DPP8: variants seen among roughly 807,000 people sequenced by gnomAD.
The protein encoded by DPP8 is dipeptidyl peptidase 8.
A neutral mutation model predicts 107.5 loss-of-function variants in DPP8; 31 were observed. The ratio of observed to expected loss-of-function variants is 0.29; its 90% CI spans 0.22 to 0.39. The LOEUF (loss-of-function observed/expected upper bound fraction) is 0.39. DPP8 is among the 10% of genes least tolerant of loss of function. The pLI is 1.00. For missense variants in DPP8, 842 were observed against 1,076.1 expected (o/e 0.78, Z 3.04); for synonymous variants, 381 against 356.6 (o/e 1.07, Z -0.77).
intron 1 of DPP8, chr15:65,516,877 G>GT (rs2071505358): frequency 6.6e-6 from 1 of 152,404 alleles, no homozygotes; most frequent in African/African-American, 2.4e-5. Flanking sequence ...GCATAGCAGA[G>GT]AATATTGAGA....
At position 65,458,210 on chromosome 15, in the gene DPP8, T is replaced by C. The variant is rs185672458; in HGVS notation, c.1972-1839A>G. Among the ~76,000 whole-genome samples, 23 of 152,302 alleles carry C rather than the reference T, an allele frequency of 1.5e-4. No individual in the cohort carries two copies. The East Asian group carries it at 2.5e-3, about 17-fold the overall frequency. The stretch of plus-strand genomic sequence containing the variant: ...CTAGCCTGATCTCTTTGGATTTTTA[T>C]TTGCAGAACAGTGTCTGGCACATTC... On this transcript the variant is annotated intron_variant, in intron 15 of 19. Coordinates refer to ENST00000300141, the MANE Select transcript of DPP8 (RefSeq NM_130434.5).
intron 2 of DPP8, among the ~76,000 whole-genome samples, chr15:65,511,716 TACACACACCACAC>T (rs2070803545): frequency 1.2e-5 from 1 of 86,458 alleles, no homozygotes; most frequent in Non-Finnish European, 2.2e-5. Context: ...CACACATACA[TACACACACCACAC>T]ACACACACAA....
At chr15:65,497,154 TG>T (rs2068689598) in intron 5 of DPP8, among the ~76,000 whole-genome samples, 1 of 152,358 alleles carries the variant, frequency 6.6e-6, no homozygotes, top group Admixed American at 6.5e-5. Context: ...CCTCCCAAAG[TG>T]CTTGGGACTA....
chr15:65,480,281 C>T lies in DPP8; in HGVS notation c.1237G>A (p.Val413Met), dbSNP rs772737249. 6.2e-7 allele frequency: 1 copy of T among 1,613,852 alleles called. No homozygotes were observed. Among genetic ancestry groups the T allele is most frequent in the Non-Finnish European group, 8.5e-7 (1 of 1,179,886 alleles). ...VMERQRLIES[V>M]PDSVTPLIIY... ...ATTAGTGGCGTCACAGAATCAGGCA[C>T]TGACTCAATGAGTCTCTGCCTTTCC... is the stretch of plus-strand genomic sequence containing the variant. Residue 413 changes from valine to methionine, a missense_variant, in exon 10 of 20, where the codon GTG becomes ATG. Val to Met is a conservative substitution (Grantham distance 21). Around this residue, in one of 2 missense-constraint regions of DPP8, gnomAD observed 663 missense variants for 758.0 expected, o/e 0.87. Transcript: ENST00000300141.
chr15:65,476,229 C>T (rs576368974), intron 11 of DPP8, among the ~76,000 whole-genome samples: 4 of 151,554 alleles, frequency 2.6e-5, no homozygotes, highest in Non-Finnish European at 5.9e-5. Context: ...TAGGGTTCCA[C>T]GTAAGTTTAA....
At chr15:65,496,779 T>A (rs903063811) in intron 5 of DPP8, among the ~76,000 whole-genome samples, 1 of 151,872 alleles carries the variant, frequency 6.6e-6, no homozygotes, top group African/African-American at 2.4e-5. Context: ...GTCTCCTAAG[T>A]AGCTGGGACT....
chr15:65,481,714 T>C (rs1413278894), intron 8 of DPP8, 99 bp from the exon 9 acceptor site: 2 of 702,318 alleles, frequency 2.8e-6, no homozygotes, highest in Non-Finnish European at 4.5e-6. Context: ...AGCAGAAAAT[T>C]TTTCCAGAGT....
At chr15:65,487,428 C>T (rs947085038) in intron 7 of DPP8, among the ~76,000 whole-genome samples, 5 of 152,178 alleles carry the variant, frequency 3.3e-5, no homozygotes, top group African/African-American at 1.2e-4. Flanking sequence ...AGATTACAGA[C>T]GTGAGCTACC....
chr15:65,508,418 T>C (rs1252120863), intron 2 of DPP8, among the ~76,000 whole-genome samples: 3 of 152,184 alleles, frequency 2.0e-5, no homozygotes, highest in East Asian at 1.9e-4. Flanking sequence ...AAATCTCTTC[T>C]GCAAAATCAT....
intron 15 of DPP8, 58 bp from the exon 16 acceptor site, chr15:65,456,429 G>T: frequency 1.3e-6 from 2 of 1,514,454 alleles, no homozygotes; most frequent in Non-Finnish European, 1.8e-6. Context: ...ACCCAAGAGC[G>T]GCTGGGCATT....
chr15:65,451,770 C>T (rs2063994181), intron 18 of DPP8, among the ~76,000 whole-genome samples, 190 bp downstream of exon 18: 1 of 151,528 alleles, frequency 6.6e-6, no homozygotes, highest in Admixed American at 6.6e-5. Flanking sequence ...ACTAAAAATA[C>T]AAAAAATTAG....
At chr15:65,515,719 G>C (rs111721622) in intron 1 of DPP8, 1 of 1,611,122 alleles carries the variant, frequency 6.2e-7, no homozygotes, top group African/African-American at 1.3e-5. Flanking sequence ...CAAGTGACTC[G>C]ACTTCAAGCA....
At chr15:65,478,822 C>A in intron 11 of DPP8, 58 bp downstream of exon 11, 1 of 1,209,972 alleles carries the variant, frequency 8.3e-7, no homozygotes, top group Admixed American at 2.5e-5. Context: ...TTCCCCTGTC[C>A]CTCCCACCTT....
At chr15:65,489,174 T>C (rs1179557346) in intron 6 of DPP8, among the ~76,000 whole-genome samples, 1 of 152,062 alleles carries the variant, frequency 6.6e-6, no homozygotes, top group Non-Finnish European at 1.5e-5. Flanking sequence ...TTGGCCAGGA[T>C]AGTCTCGATC....
chr15:65,493,517 T>C (rs1475222661), intron 5 of DPP8, among the ~76,000 whole-genome samples: 1 of 152,178 alleles, frequency 6.6e-6, no homozygotes, highest in African/African-American at 2.4e-5. Context: ...CAGATAAGCA[T>C]ATTAAGTTTA....
intron 2 of DPP8, among the ~76,000 whole-genome samples, chr15:65,510,482 C>T (rs771855178): frequency 6.6e-6 from 1 of 151,298 alleles, no homozygotes; most frequent in Non-Finnish European, 1.5e-5. Flanking sequence ...AAACCCAAAC[C>T]AATTAAAAAA....
intron 1 of DPP8, chr15:65,517,071 C>G (rs193118224): frequency 2.6e-5 from 4 of 153,056 alleles, no homozygotes; most frequent in Non-Finnish European, 2.9e-5. Flanking sequence ...ACCAGAAAAT[C>G]TGAGGCCGAA....
rs900061968 is a variant in DPP8 at position 65,443,150 on chromosome 15, A to G, written c.*3734T>C. On this transcript the variant is annotated 3_prime_UTR_variant, in exon 20 of 20. Transcript: ENST00000300141. Reference sequence around the variant, plus strand: ...AAAAATTAACCATTTTTATGTGGTTACCTTTAAAATGTTTTATAGGAATAT... The same window carrying G: ...AAAAATTAACCATTTTTATGTGGTTGCCTTTAAAATGTTTTATAGGAATAT... The G allele has an allele frequency of 6.6e-6, 1 of 152,202 alleles. No individual in the cohort carries two copies. 9.4% of individuals were successfully genotyped at this position (152,202 alleles called of 1,614,324 possible). A position where few individuals can be genotyped will look rare whatever the true frequency, so the allele number is the denominator to read the frequency against.
rs147391283 is a variant in DPP8, at chr15:65,517,669, C to G, written c.-195G>C. 1,866 of 152,550 alleles carry G rather than the reference C, an allele frequency of 0.012. 25 individuals carry two copies. The highest frequency in any genetic ancestry group is 0.046 in the South Asian group (224 of 4,840). 9.4% of individuals were successfully genotyped at this position (152,550 alleles called of 1,614,324 possible). On this transcript the variant is annotated 5_prime_UTR_variant, in exon 1 of 20. Transcript: ENST00000300141. ...CGGCGGCAGTAGCAGCGGCCTTGGC[C>G]TCGGAGGCTTTAGCACTTCCGGTTC...
Sources: gnomAD v4.1 joint callset for allele counts (sites outside exome capture counted in the v4.1 genomes callset) on GRCh38, gnomAD v4.1.1 for gene constraint, gnomAD v4.1.1 regional missense constraint, MANE v1.5 for transcripts, NCBI Gene and HGNC (gene_info 2026-07-23, HGNC 2026-07-21) for gene names.